The following LAMC1 variants were observed in gnomAD, a reference collection of about 807,000 sequenced individuals.
The protein encoded by LAMC1 is laminin subunit gamma-1.
LAMC1 carries 38 observed loss-of-function variants against 173.6 expected under a neutral mutation model. That is an observed-to-expected ratio of 0.22 (90% CI 0.17 to 0.29). The LOEUF (loss-of-function observed/expected upper bound fraction) is 0.29. Ranked by LOEUF, LAMC1 falls within the 10% of genes least tolerant of loss-of-function variation. LAMC1 has a pLI of 1.00. For synonymous variants in LAMC1, 746 were observed against 749.1 expected (o/e 1.00, Z 0.07); for missense variants, 1,824 against 2,051.8 (o/e 0.89, Z 2.14).
At chr1:183,080,556 G>A (rs1018844020) in intron 1 of LAMC1, among the ~76,000 whole-genome samples, 2 of 152,142 alleles carry the variant, frequency 1.3e-5, no homozygotes, top group Non-Finnish European at 2.9e-5. Flanking sequence ...GCAGCCTTGG[G>A]GCTTAGGATG....
Position 183,140,400 on chromosome 1 carries a change from A to G in LAMC1, c.4474-4A>G. 1 of 1,604,044 alleles carries G rather than the reference A, an allele frequency of 6.2e-7. No individual in the cohort carries two copies. The highest frequency in any genetic ancestry group is 2.2e-5 in the East Asian group (1 of 44,648). Reference sequence around the variant, plus strand: ...AGACTCTTTGCCTCATTTTTCCCTTACAGGCTTCACAGGCTGCTCAAGAAG... The same window carrying G: ...AGACTCTTTGCCTCATTTTTCCCTTGCAGGCTTCACAGGCTGCTCAAGAAG... On this transcript the variant is annotated splice_region_variant and splice_polypyrimidine_tract_variant and intron_variant, in intron 26 of 27. Transcript: ENST00000258341.
Position 183,046,886 on chromosome 1 carries a change from A to G in LAMC1, c.418+22752A>G, listed in dbSNP as rs1288648052. On this transcript the variant is annotated intron_variant, in intron 1 of 27. Coordinates refer to ENST00000258341, the MANE Select transcript of LAMC1 (RefSeq NM_002293.4). ...AAGCTCTGCTAATTTGATAGGTGAG[A>G]TATGTTTTAAAGTTTATCTCTTTTA... Among the ~76,000 whole-genome samples the G allele has an allele frequency of 1.3e-5, 2 of 152,218 alleles. 1 individual carries two copies. Among genetic ancestry groups the G allele is most frequent in the South Asian group, 4.1e-4 (2 of 4,832 alleles).
chr1:183,046,309 T>C (rs190147154), intron 1 of LAMC1, among the ~76,000 whole-genome samples: 13 of 152,104 alleles, frequency 8.5e-5, no homozygotes, highest in African/African-American at 3.1e-4. Context: ...ATCTTAGCTA[T>C]GTTTAGGCCT....
At chr1:183,087,758 A>G (rs1270953901) in intron 1 of LAMC1, among the ~76,000 whole-genome samples, 1 of 152,094 alleles carries the variant, frequency 6.6e-6, no homozygotes, top group Non-Finnish European at 1.5e-5. Context: ...CATGTTGATT[A>G]ATGAAATTTT....
At chr1:183,132,574 GTGT>G in intron 21 of LAMC1, 37 bp downstream of exon 21, 1 of 1,555,032 alleles carries the variant, frequency 6.4e-7, no homozygotes, top group Non-Finnish European at 8.8e-7. Context: ...ACCCCTTCAG[GTGT>G]TCTGGTAAGT....
intron 17 of LAMC1, among the ~76,000 whole-genome samples, chr1:183,127,791 A>C (rs1656661679): frequency 6.6e-6 from 1 of 152,168 alleles, no homozygotes; most frequent in African/African-American, 2.4e-5. Flanking sequence ...TGCTGAGTGC[A>C]GAGGGTGTGT....
At chr1:183,123,893 A>T (rs7518957) in intron 13 of LAMC1, among the ~76,000 whole-genome samples, 78,727 of 151,962 alleles carry the variant, frequency 0.52, 21,100 homozygotes, top group South Asian at 0.65. Flanking sequence ...TTTGAGTCTA[A>T]TTCAGGCCCT....
chr1:183,137,120 G>A (rs955910145), intron 25 of LAMC1, among the ~76,000 whole-genome samples: 3 of 152,202 alleles, frequency 2.0e-5, no homozygotes, highest in Non-Finnish European at 4.4e-5. Context: ...ATTTAAAAGA[G>A]AGATTGGAGC....
At chr1:183,104,476 G>A (rs191018803) in intron 2 of LAMC1, among the ~76,000 whole-genome samples, 1 of 152,220 alleles carries the variant, frequency 6.6e-6, no homozygotes, top group South Asian at 2.1e-4. Flanking sequence ...GCATGTGGCT[G>A]AAGTCAACAA....
intron 21 of LAMC1, among the ~76,000 whole-genome samples, chr1:183,133,051 C>T (rs903161517): frequency 6.6e-6 from 1 of 152,050 alleles, no homozygotes; most frequent in Non-Finnish European, 1.5e-5. Context: ...GCTGGGATTA[C>T]AGGTGCCTGC....
chr1:183,112,766 G>T (rs1315780270), intron 4 of LAMC1, among the ~76,000 whole-genome samples: 1 of 151,452 alleles, frequency 6.6e-6, no homozygotes, highest in Non-Finnish European at 1.5e-5. Context: ...ATGAAGGAAG[G>T]AAAAGGGCAC....
rs12066326 is a variant in LAMC1, at chr1:183,110,527, C to T, written c.894C>T (p.Asn298=). The T allele has an allele frequency of 5.1e-3, 8,304 of 1,613,044 alleles. 289 individuals carry two copies. The African/African-American group carries it at 0.085, about 17-fold the overall frequency. The change falls in exon 4 of 28, where the codon AAC becomes AAT. Residue 298 remains asparagine (N), a synonymous_variant. Transcript: ENST00000258341. ...CNGHASECMK[N]EFDKLVCNCK... ...GACACGCAAGCGAGTGTATGAAGAA[C>T]GAATTTGATAAGCTGGTGTGTAATT...
At chr1:183,032,774 G>GTATATATGTATATATATGTATATGTATA (rs1223866257) in intron 1 of LAMC1, among the ~76,000 whole-genome samples, 2 of 152,118 alleles carry the variant, frequency 1.3e-5, no homozygotes, top group Non-Finnish European at 2.9e-5. Context: ...ATAAATCACA[G>GTATATATGTATATATATGTATATGTATA]TACTGTGTAT....
intron 4 of LAMC1, among the ~76,000 whole-genome samples, chr1:183,111,789 A>AC (rs34391308): frequency 0.52 from 78,519 of 151,944 alleles, 20,973 homozygotes; most frequent in South Asian, 0.65. Context: ...TAATCTCAGC[A>AC]TTTGGGAGGC....
intron 1 of LAMC1, among the ~76,000 whole-genome samples, chr1:183,026,278 A>G (rs1653684095): frequency 6.6e-6 from 1 of 152,216 alleles, no homozygotes; most frequent in South Asian, 2.1e-4. Context: ...AGTTTAAACT[A>G]ACTTGACTAG....
chr1:183,114,704 C>A lies in LAMC1; in HGVS notation c.1195C>A (p.His399Asn). ...CAACAATGAAGCCTGCTCTTCATGCCACTGTAGTCCTGTGGGTAAGTGACA... is the reference window on the plus strand; with the variant it reads ...CAACAATGAAGCCTGCTCTTCATGCAACTGTAGTCCTGTGGGTAAGTGACA... The part of the protein sequence containing the change: ...LGNNEACSSC[H>N]CSPVGSLSTQ... The change falls in exon 5 of 28, where the codon CAC becomes AAC. Residue 399 changes from histidine (H) to asparagine (N), a missense_variant. Physicochemically the swap from His to Asn is moderately conservative, Grantham distance 68 (BLOSUM62 1). Transcript: ENST00000258341. The A allele has an allele frequency of 6.2e-7, 1 of 1,614,014 alleles. No homozygotes were observed. The highest frequency in any genetic ancestry group is 8.5e-7 in the Non-Finnish European group (1 of 1,179,956).
At chr1:183,027,827 C>A (rs1653729828) in intron 1 of LAMC1, among the ~76,000 whole-genome samples, 1 of 152,136 alleles carries the variant, frequency 6.6e-6, no homozygotes, top group South Asian at 2.1e-4. Flanking sequence ...TTTTTCCCCC[C>A]AGGAAAACCT....
intron 1 of LAMC1, among the ~76,000 whole-genome samples, chr1:183,100,280 T>G (rs531805976): frequency 6.6e-6 from 1 of 152,246 alleles, no homozygotes; most frequent in South Asian, 2.1e-4. Context: ...TCCTGTCCCT[T>G]CCAACCTAAT....
rs1195515897 is a variant in LAMC1, at chr1:183,126,144, C to A, written c.2826C>A (p.Ser942=). 6.2e-7 allele frequency: 1 copy of A among 1,614,140 alleles called. No individual in the cohort carries two copies. Among genetic ancestry groups the A allele is most frequent in the Non-Finnish European group, 8.5e-7 (1 of 1,180,014 alleles). The change falls in exon 16 of 28, where the codon TCC becomes TCA. Residue 942 remains serine, a synonymous_variant. Transcript: ENST00000258341. ...CERCDCHALG[S]TNGQCDIRTG... ...GGTGTGACTGCCATGCCTTGGGCTC[C>A]ACCAATGGGCAGTGTGACATCCGCA...
Sources: allele counts gnomAD v4.1 joint callset (sites outside exome capture counted in the v4.1 genomes callset), GRCh38; gene constraint gnomAD v4.1.1; transcripts MANE v1.5; gene names NCBI Gene and HGNC (gene_info 2026-07-23, HGNC 2026-07-21).